Variants in MAGI2 observed in about 807,000 individuals in gnomAD.
The protein encoded by MAGI2 is membrane associated guanylate kinase, WW and PDZ domain containing 2.
MAGI2 carries 35 observed loss-of-function variants against 133.3 expected under a neutral mutation model. The observed-to-expected ratio is 0.26, with a 90% CI of 0.20 to 0.35. MAGI2 has a LOEUF of 0.35. Ranked by LOEUF, MAGI2 falls within the 10% of genes least tolerant of loss-of-function variation. The probability of loss-of-function intolerance (pLI) is 1.00; values close to 1 mark genes in which losing one functional copy is unlikely to be tolerated. For missense variants in MAGI2, 1,636 were observed against 1,863.4 expected, an observed-to-expected ratio of 0.88 and a Z score of 2.25; for synonymous variants, 729 against 710.6, an observed-to-expected ratio of 1.03 and a Z score of -0.41.
chr7:79,337,021 G>C (rs989869126), intron 1 of MAGI2, among the ~76,000 whole-genome samples: 3 of 151,426 alleles, frequency 2.0e-5, no homozygotes, highest in African/African-American at 4.9e-5. Flanking sequence ...CTAACTCTGT[G>C]AGATGATAGA....
intron 2 of MAGI2, among the ~76,000 whole-genome samples, chr7:78,923,600 T>C (rs1301799065): frequency 6.6e-6 from 1 of 152,226 alleles, no homozygotes; most frequent in Non-Finnish European, 1.5e-5. Flanking sequence ...ATTATAGCCT[T>C]GTAGTATAGT....
intron 3 of MAGI2, among the ~76,000 whole-genome samples, chr7:78,591,479 C>T (rs1490359386): frequency 6.6e-6 from 1 of 152,166 alleles, no homozygotes; most frequent in African/African-American, 2.4e-5. Flanking sequence ...CACAGAACTC[C>T]AGAGGCTTGG....
At chr7:78,572,258 A>G (rs1801577651) in intron 3 of MAGI2, among the ~76,000 whole-genome samples, 1 of 152,160 alleles carries the variant, frequency 6.6e-6, no homozygotes, top group African/African-American at 2.4e-5. Flanking sequence ...TTAATTGATT[A>G]TCGAGGAAAT....
chr7:79,126,432 A>T (rs1448606911), intron 1 of MAGI2, among the ~76,000 whole-genome samples: 1 of 152,160 alleles, frequency 6.6e-6, no homozygotes, highest in African/African-American at 2.4e-5. Flanking sequence ...AACAAGAGCT[A>T]AAGTTCTCTT....
intron 20 of MAGI2, among the ~76,000 whole-genome samples, chr7:78,105,457 T>C (rs1484303846): frequency 6.6e-6 from 1 of 152,218 alleles, no homozygotes; most frequent in Non-Finnish European, 1.5e-5. Context: ...TTGTAGCATA[T>C]TGTGTATTTC....
chr7:78,271,822 G>C (rs1412494174), intron 9 of MAGI2, among the ~76,000 whole-genome samples: 1 of 151,882 alleles, frequency 6.6e-6, no homozygotes, highest in African/African-American at 2.4e-5. Context: ...TTTTTATTGA[G>C]TCTATTTGAT....
chr7:79,049,471 G>C (rs1403322141), intron 1 of MAGI2, among the ~76,000 whole-genome samples: 1 of 152,154 alleles, frequency 6.6e-6, no homozygotes, highest in Non-Finnish European at 1.5e-5. Flanking sequence ...ACACAGGCTA[G>C]AAAAGGATGG....
chr7:78,185,532 T>G (rs1211570848), intron 13 of MAGI2, 97 bp downstream of exon 13: 1 of 954,996 alleles, frequency 1.0e-6, no homozygotes, highest in East Asian at 2.6e-5. Context: ...AGCACAGCGA[T>G]TATATACTAG....
At chr7:79,128,335 TTTA>T (rs1261087397) in intron 1 of MAGI2, among the ~76,000 whole-genome samples, 1 of 152,188 alleles carries the variant, frequency 6.6e-6, no homozygotes, top group African/African-American at 2.4e-5. Context: ...TGCTATACTA[TTTA>T]TAGTTCAGAT....
intron 1 of MAGI2, among the ~76,000 whole-genome samples, chr7:79,087,556 TA>T (rs1003101543): frequency 6.6e-6 from 1 of 151,884 alleles, no homozygotes; most frequent in African/African-American, 2.4e-5. Flanking sequence ...GTAAGGCAGT[TA>T]ATAGATACTC....
At chr7:78,254,352 T>C (rs1357779394) in intron 10 of MAGI2, 2 of 152,232 alleles carry the variant, frequency 1.3e-5, no homozygotes, top group Non-Finnish European at 2.9e-5. Flanking sequence ...TGTGATACCA[T>C]TTAATATCAA....
intron 5 of MAGI2, 152 bp from the exon 6 acceptor site, chr7:78,489,992 G>A (rs1381556899): frequency 7.2e-6 from 4 of 558,494 alleles, no homozygotes; most frequent in Non-Finnish European, 1.3e-5. Flanking sequence ...GGAGGTGTAA[G>A]AGTAATTGTG....
chr7:78,909,311 C>T lies in MAGI2; in HGVS notation c.418+97779G>A, dbSNP rs116660221. Among the ~76,000 whole-genome samples the T allele has an allele frequency of 7.5e-3, 1,129 of 151,394 alleles. 16 individuals are homozygous for T. Among genetic ancestry groups the T allele is most frequent in the African/African-American group, 0.026 (1,058 of 41,302 alleles). On this transcript the variant is annotated intron_variant, in intron 2 of 21. Transcript: ENST00000354212. ...TGGCAATCATTAAAAAGTCAAGAAA[C>T]GGCTAGGCGCGGTGGCTCACGCCTG... is the stretch of plus-strand genomic sequence containing the variant.
chr7:78,925,662 A>G (rs1398625511), intron 2 of MAGI2, among the ~76,000 whole-genome samples: 1 of 152,072 alleles, frequency 6.6e-6, no homozygotes, highest in East Asian at 1.9e-4. Context: ...GTAAGAATCC[A>G]TTGGTCTTGC....
chr7:79,052,450 A>G (rs1280016950), intron 1 of MAGI2, among the ~76,000 whole-genome samples: 1 of 152,194 alleles, frequency 6.6e-6, no homozygotes, highest in Non-Finnish European at 1.5e-5. Flanking sequence ...TGGGTCGCAC[A>G]CCCATGAGGC....
rs1315105249 is a variant in MAGI2, at chr7:78,018,509, A to AG, written c.*805dup. On this transcript the variant is annotated 3_prime_UTR_variant, in exon 22 of 22. Coordinates refer to ENST00000354212, the MANE Select transcript of MAGI2 (RefSeq NM_012301.4). Reference sequence around the variant, plus strand: ...TTCAATTATAAAATTCATATTTTAGAGAAAAACCAATTAAGATCTATGAGC... The same window carrying AG: ...TTCAATTATAAAATTCATATTTTAGAGGAAAAACCAATTAAGATCTATGAGC... 2.0e-5 allele frequency: 3 copies of AG among 152,388 alleles called. No homozygotes were observed. The South Asian group carries it at 6.2e-4, about 32-fold the overall frequency. 9.4% of individuals were successfully genotyped at this position (152,388 alleles called of 1,614,324 possible).
At chr7:78,624,013 A>G (rs966474063) in intron 3 of MAGI2, among the ~76,000 whole-genome samples, 1 of 152,118 alleles carries the variant, frequency 6.6e-6, no homozygotes, top group East Asian at 1.9e-4. Flanking sequence ...TGACATTCCA[A>G]TAATAGCCAT....
At chr7:78,599,730 G>T (rs955822743) in intron 3 of MAGI2, among the ~76,000 whole-genome samples, 1 of 152,086 alleles carries the variant, frequency 6.6e-6, no homozygotes, top group Non-Finnish European at 1.5e-5. Context: ...CCTGCACTAG[G>T]TCTCAGGTTC....
At chr7:78,974,301 C>T (rs189265041) in intron 2 of MAGI2, among the ~76,000 whole-genome samples, 81 of 151,766 alleles carry the variant, frequency 5.3e-4, no homozygotes, top group African/African-American at 1.7e-3. Flanking sequence ...CTGAGAAAGG[C>T]CAGTTAGAAT....
Sources: allele counts gnomAD v4.1 joint callset (sites outside exome capture counted in the v4.1 genomes callset), GRCh38; gene constraint gnomAD v4.1.1; transcripts MANE v1.5; gene names NCBI Gene and HGNC (gene_info 2026-07-23, HGNC 2026-07-21).